The following CTCFL variants were observed in gnomAD, a reference collection of about 807,000 sequenced individuals.
The protein encoded by CTCFL is transcriptional repressor CTCFL.
A neutral mutation model predicts 67.4 loss-of-function variants in CTCFL; 36 were observed. The ratio of observed to expected loss-of-function variants is 0.53; its 90% confidence interval spans 0.41 to 0.71. The LOEUF is 0.71. Ranked by LOEUF, CTCFL falls within the 30% of genes least tolerant of loss-of-function variation. CTCFL has a pLI of 0.00. For missense variants in CTCFL, 786 were observed against 835.2 expected (o/e 0.94, Z 0.73); for synonymous variants, 324 against 302.3 (o/e 1.07, Z -0.75).
rs41305825 is a variant in CTCFL at position 57,512,744 on chromosome 20, T to C, written c.1339A>G (p.Met447Val). ...IARKSDLRVH[M>V]RNLHAYSAAE... ...GCGCTGTAAGCATGCAAGTTGCGCA[T>C]ATGCACACCTAAAATGGTCACAGAA... The change falls in exon 8 of 11, where the codon ATG becomes GTG. Residue 447 changes from methionine to valine, a missense_variant. This residue lies in a region of CTCFL where 254 missense variants were observed against 333.9 expected (regional missense o/e 0.76). Coordinates refer to ENST00000243914, the MANE Select transcript of CTCFL (RefSeq NM_001386993.1). 0.055 allele frequency: 88,405 copies of C among 1,613,922 alleles called. 2,809 individuals are homozygous for C. The highest frequency in any genetic ancestry group is 0.064 in the Non-Finnish European group (75,965 of 1,179,780).
At chr20:57,506,676 A>C in intron 9 of CTCFL, 1 of 438,054 alleles carries the variant, frequency 2.3e-6, no homozygotes, top group African/African-American at 2.1e-5. Flanking sequence ...TATTTTAGAC[A>C]CAAGTCCAAA....
In CTCFL at chr20:57,523,287, C is replaced by T. The variant is rs374066079; in HGVS notation, c.544-9G>A. On this transcript the variant is annotated splice_polypyrimidine_tract_variant and intron_variant, in intron 2 of 10. Coordinates refer to ENST00000243914, the MANE Select transcript of CTCFL (RefSeq NM_001386993.1). ...TCCTGCTCTTCCTCGAGCTAATAAA[C>T]AACAAATATTCAAATATGATACTAT... The T allele has an allele frequency of 1.2e-6, 2 of 1,607,546 alleles. No individual in the cohort carries two copies. Among genetic ancestry groups the T allele is most frequent in the African/African-American group, 2.7e-5 (2 of 74,666 alleles).
chr20:57,510,497 A>C (rs139819612), intron 8 of CTCFL, among the ~76,000 whole-genome samples: 1 of 152,324 alleles, frequency 6.6e-6, no homozygotes, highest in East Asian at 1.9e-4. Context: ...ATATAAAACT[A>C]TTTGTTGTTG....
chr20:57,512,663 T>C lies in CTCFL; in HGVS notation c.1420A>G (p.Ile474Val). The change falls in exon 8 of 11, where the codon ATT (isoleucine) becomes GTT (valine). Residue 474 changes from isoleucine to valine, a missense_variant. By Grantham distance (29) the Ile-to-Val change is conservative. Coordinates refer to ENST00000243914, the MANE Select transcript of CTCFL (RefSeq NM_001386993.1). ...TTCTTATGAGTTTTCTGGTGCTGAA[T>C]GAGGGCATAGCGTTCATGGAAGACA... The part of the protein sequence containing the change: ...SAVFHERYAL[I>V]QHQKTHKNEK... The C allele has an allele frequency of 6.2e-7, 1 of 1,614,262 alleles. No homozygotes were observed. Among genetic ancestry groups the C allele is most frequent in the South Asian group, 1.1e-5 (1 of 91,090 alleles).
Position 57,523,162 on chromosome 20 carries a change from T to C in CTCFL, c.660A>G (p.Ser220=), listed in dbSNP as rs1388054025. The change falls in exon 3 of 11, where the codon TCA becomes TCG. Residue 220 remains serine, a synonymous_variant. Transcript: ENST00000243914. ...CCTCTTGTTCTTCCACATTTGAATT[T>C]GAAACTGTGAGAACAATTTCGTCAC... is the stretch of plus-strand genomic sequence containing the variant. ...ERSDEIVLTV[S]NSNVEEQEDQ... is the part of the protein sequence containing the mutation. 1.2e-6 allele frequency: 2 copies of C among 1,614,098 alleles called. No homozygotes were observed. The highest frequency in any genetic ancestry group is 1.7e-6 in the Non-Finnish European group (2 of 1,180,024).
Position 57,524,686 on chromosome 20 carries a change from G to A in CTCFL, c.-12+342C>T, listed in dbSNP as rs969539424. 6.0e-6 allele frequency: 6 copies of A among 998,378 alleles called. No individual in the cohort carries two copies. The African/African-American group carries it at 1.0e-4, about 17-fold the overall frequency. The allele number at this position is 998,378 out of a possible 1,614,324, so 61.8% of individuals were successfully genotyped here. Reference sequence around the variant, plus strand: ...CAGGCCCCGGGCCAGTGCACACCCGGCGCCCAGCGAGGTTCGGGCCCGAGC... The same window carrying A: ...CAGGCCCCGGGCCAGTGCACACCCGACGCCCAGCGAGGTTCGGGCCCGAGC... On this transcript the variant is annotated intron_variant, in intron 1 of 10. Transcript: ENST00000243914.
Position 57,523,155 on chromosome 20 carries a change from T to C in CTCFL, c.667A>G (p.Asn223Asp), listed in dbSNP as rs374708283. Residue 223 changes from asparagine to aspartate, a missense_variant, in exon 3 of 11, where the codon AAT (asparagine) becomes GAT (aspartate). This residue lies in a region of CTCFL where 333 missense variants were observed against 304.6 expected (regional missense o/e 1.09). Coordinates refer to ENST00000243914, the MANE Select transcript of CTCFL (RefSeq NM_001386993.1). Reference protein sequence around the residue: ...DEIVLTVSNSNVEEQEDQPTA... With the variant: ...DEIVLTVSNSDVEEQEDQPTA... Reference sequence around the variant, plus strand: ...GGTTGATCCTCTTGTTCTTCCACATTTGAATTTGAAACTGTGAGAACAATT... The same window carrying C: ...GGTTGATCCTCTTGTTCTTCCACATCTGAATTTGAAACTGTGAGAACAATT... The C allele has an allele frequency of 6.2e-7, 1 of 1,614,084 alleles. No homozygotes were observed. The highest frequency in any genetic ancestry group is 1.7e-5 in the Admixed American group (1 of 60,024).
intron 5 of CTCFL, among the ~76,000 whole-genome samples, chr20:57,517,007 G>A (rs2068971315): frequency 6.6e-6 from 1 of 152,170 alleles, no homozygotes; most frequent in Admixed American, 6.5e-5. Flanking sequence ...TGCCTCCCCA[G>A]TAAGTGATGA....
At chr20:57,507,368 T>C (rs2068266161) in intron 9 of CTCFL, 5 of 570,468 alleles carry the variant, frequency 8.8e-6, no homozygotes, top group African/African-American at 5.6e-5. Context: ...TTTTCTTTTT[T>C]TTTTTTTAAA....
chr20:57,521,523 A>C (rs2069361032), intron 3 of CTCFL, among the ~76,000 whole-genome samples: 11 of 152,244 alleles, frequency 7.2e-5, no homozygotes, highest in Admixed American at 7.2e-4. Context: ...TCCTCAAAAA[A>C]TTAAACATAG....
rs935629725 is a variant in CTCFL at position 57,503,447 on chromosome 20, G to A, written c.1829C>T (p.Ala610Val). Residue 610 changes from alanine (A) to valine (V), a missense_variant, in exon 10 of 11, where the codon GCG (alanine) becomes GTG (valine). Physicochemically the swap from Ala to Val is moderately conservative, Grantham distance 64. Coordinates refer to ENST00000243914, the MANE Select transcript of CTCFL (RefSeq NM_001386993.1). ...CGTAAAATCAGTACCGTCTCCGTTC[G>A]CGGCTTCCTTCCATCCCTTCGCAGC... ...KEAAKGWKEA[A>V]NGDEAAAEEA... 4 of 1,614,136 alleles carry A rather than the reference G, an allele frequency of 2.5e-6. No homozygotes were observed. The highest frequency in any genetic ancestry group is 1.6e-4 in the Middle Eastern group (1 of 6,062).
In CTCFL at chr20:57,498,708, A is replaced by G; in HGVS notation, c.1841-7T>C. On this transcript the variant is annotated splice_region_variant and splice_polypyrimidine_tract_variant and intron_variant, in intron 10 of 10. Transcript: ENST00000243914. ...GCCTCCTCAGCAGCAGCTTCTTGAG[A>G]AAAAGTCCAGGATGAGCAAATTTAT... The G allele has an allele frequency of 6.2e-7, 1 of 1,609,864 alleles. No individual in the cohort carries two copies. Among genetic ancestry groups the G allele is most frequent in the Non-Finnish European group, 8.5e-7 (1 of 1,178,066 alleles).
At chr20:57,503,374 C>G in intron 10 of CTCFL, 62 bp downstream of exon 10, 1 of 1,592,174 alleles carries the variant, frequency 6.3e-7, no homozygotes, top group Non-Finnish European at 8.6e-7. Context: ...ACTCGGCACC[C>G]AGGATAGTCA....
chr20:57,502,093 G>A (rs1262378454), intron 10 of CTCFL, among the ~76,000 whole-genome samples: 1 of 152,240 alleles, frequency 6.6e-6, no homozygotes, highest in African/African-American at 2.4e-5. Context: ...GAGTGATGGG[G>A]CACTGCCTGG....
At chr20:57,505,636 T>C (rs1467302543) in intron 9 of CTCFL, among the ~76,000 whole-genome samples, 2 of 152,232 alleles carry the variant, frequency 1.3e-5, no homozygotes, top group Non-Finnish European at 2.9e-5. Flanking sequence ...CATCAGTCAA[T>C]TTCATAACCA....
At chr20:57,524,764 G>A in intron 1 of CTCFL, 1 of 987,380 alleles carries the variant, frequency 1.0e-6, no homozygotes, top group Non-Finnish European at 1.2e-6. Flanking sequence ...AGCCAGGCAG[G>A]CTTTGGGCCT....
rs1432218891 is a variant in CTCFL, at chr20:57,524,060, G to C, written c.146C>G (p.Ala49Gly). Residue 49 changes from alanine to glycine, a missense_variant, in exon 2 of 11, where the codon GCC (alanine) becomes GGC (glycine). Physicochemically the swap from Ala to Gly is moderately conservative, Grantham distance 60. Transcript: ENST00000243914. ...CTGGAAGGCCCCAGAGGTACGCTCG[G>C]CCTCCAACTCACTAGGGCTCCGATG... ...KDHRSPSELE[A>G]ERTSGAFQDS... The C allele has an allele frequency of 6.2e-7, 1 of 1,613,462 alleles. No homozygotes were observed. The highest frequency in any genetic ancestry group is 1.3e-5 in the African/African-American group (1 of 74,890).
At chr20:57,513,156 G>C (rs1255630498) in intron 7 of CTCFL, 1 of 730,796 alleles carries the variant, frequency 1.4e-6, no homozygotes, top group African/African-American at 1.9e-5. Flanking sequence ...AAAGCACTTT[G>C]AGAACTATTA....
At position 57,507,670 on chromosome 20, in the gene CTCFL, C is replaced by T. The variant is rs186033984; in HGVS notation, c.1674+936G>A. 597 of 703,022 alleles carry T rather than the reference C, an allele frequency of 8.5e-4. 1 individual carries two copies. In the Middle Eastern group the frequency reaches 0.018, roughly 21 times the overall value. The allele number at this position is 703,022 out of a possible 1,614,324, so 43.5% of individuals were successfully genotyped here. On this transcript the variant is annotated intron_variant, in intron 9 of 10. Coordinates refer to ENST00000243914, the MANE Select transcript of CTCFL (RefSeq NM_001386993.1). ...GGCGGAGCTGTCCTGGAAGTGGATCCTCTGGCCCCAGTCCAGCCTTCGGAT... is the reference window on the plus strand; with the variant it reads ...GGCGGAGCTGTCCTGGAAGTGGATCTTCTGGCCCCAGTCCAGCCTTCGGAT...
Sources: gnomAD v4.1 joint callset for allele counts (sites outside exome capture counted in the v4.1 genomes callset) on GRCh38, gnomAD v4.1.1 for gene constraint, gnomAD v4.1.1 regional missense constraint, MANE v1.5 for transcripts, NCBI Gene and HGNC (gene_info 2026-07-23, HGNC 2026-07-21) for gene names.